ADCK1: variants seen among roughly 807,000 people sequenced by gnomAD.
ADCK1 encodes the protein aarF domain containing kinase 1.
Under a neutral mutation model 52.3 loss-of-function variants are expected in ADCK1, and 41 were observed. The ratio of observed to expected loss-of-function variants is 0.78; its 90% CI spans 0.61 to 1.02. The LOEUF (loss-of-function observed/expected upper bound fraction) is 1.02, where lower values mean the gene tolerates loss of function less well. Among genes scored for constraint, ADCK1 ranks in the 50% least tolerant of loss-of-function variants. The pLI, the probability that ADCK1 is intolerant of heterozygous loss-of-function variation, is 0.00. For synonymous variants in ADCK1, 250 were observed against 274.6 expected (o/e 0.91, Z 0.89); for missense variants, 658 against 679.5 (o/e 0.97, Z 0.35).
intron 3 of ADCK1, among the ~76,000 whole-genome samples, chr14:77,823,053 T>C (rs920002682): frequency 6.6e-6 from 1 of 152,198 alleles, no homozygotes; most frequent in African/African-American, 2.4e-5. Flanking sequence ...TGAGGCCTAC[T>C]CTGGGGCCTC....
chr14:77,930,643 C>G (rs2084307062), intron 9 of ADCK1, among the ~76,000 whole-genome samples: 2 of 152,202 alleles, frequency 1.3e-5, no homozygotes, highest in Admixed American at 6.5e-5. Flanking sequence ...TAGCACTTAA[C>G]TTCTCAATGC....
chr14:77,929,431 T>C (rs2084271718), intron 9 of ADCK1, among the ~76,000 whole-genome samples: 1 of 152,206 alleles, frequency 6.6e-6, no homozygotes, highest in African/African-American at 2.4e-5. Flanking sequence ...AGGCGCTATG[T>C]CTCCTTATAT....
chr14:77,882,844 G>A (rs1379682852), intron 4 of ADCK1, among the ~76,000 whole-genome samples: 1 of 152,124 alleles, frequency 6.6e-6, no homozygotes, highest in Admixed American at 6.5e-5. Flanking sequence ...TTTGACTTGG[G>A]TATGATGTCA....
intron 4 of ADCK1, among the ~76,000 whole-genome samples, chr14:77,866,615 C>A (rs925979795): frequency 6.6e-6 from 1 of 152,290 alleles, no homozygotes; most frequent in Admixed American, 6.5e-5. Context: ...CCAGGCAGGG[C>A]TAATTCCATG....
chr14:77,900,086 G>A (rs34646663), intron 6 of ADCK1, among the ~76,000 whole-genome samples: 50,522 of 142,040 alleles, frequency 0.36, 10,017 homozygotes, highest in Admixed American at 0.49. Flanking sequence ...AAAAAAAAAA[G>A]AAAATTCATC....
rs17753093 is a variant in ADCK1 at position 77,863,922 on chromosome 14, T to C, written c.423+4643T>C. Among the ~76,000 whole-genome samples the C allele has an allele frequency of 9.4e-3, 1,423 of 152,138 alleles. 11 individuals carry two copies. Among genetic ancestry groups the C allele is most frequent in the South Asian group, 0.024 (113 of 4,806 alleles). ...GGTTCTGTCCACCTCTGAAATCCCATGAGAAACTGAAGGAAATGAGGCCAG... is the reference window on the plus strand; with the variant it reads ...GGTTCTGTCCACCTCTGAAATCCCACGAGAAACTGAAGGAAATGAGGCCAG... On this transcript the variant is annotated intron_variant, in intron 4 of 10. Coordinates refer to ENST00000238561, the MANE Select transcript of ADCK1 (RefSeq NM_020421.4).
chr14:77,852,660 AATATATATATATATATATATATATATAT>A (rs370053776), intron 3 of ADCK1, among the ~76,000 whole-genome samples: 14 of 31,744 alleles, frequency 4.4e-4, no homozygotes, highest in African/African-American at 1.6e-3. Flanking sequence ...TAAATAAATA[AATATATATATATATATATATATATATAT>A]ATATATATAT....
chr14:77,861,054 G>A (rs1353442132), intron 4 of ADCK1, among the ~76,000 whole-genome samples: 3 of 152,142 alleles, frequency 2.0e-5, no homozygotes, highest in Non-Finnish European at 2.9e-5. Flanking sequence ...AATGTTTGGG[G>A]TTGGAAGACG....
At chr14:77,889,295 A>G (rs150127368) in intron 5 of ADCK1, among the ~76,000 whole-genome samples, 3,372 of 151,852 alleles carry the variant, frequency 0.022, 61 homozygotes, top group Admixed American at 0.047. Context: ...ATAGTAAGAG[A>G]CTAATAAAAT....
At chr14:77,806,454 A>C (rs1445875780) in intron 1 of ADCK1, among the ~76,000 whole-genome samples, 1 of 152,084 alleles carries the variant, frequency 6.6e-6, no homozygotes, top group Admixed American at 6.6e-5. Context: ...GGTGGTTTCA[A>C]TTATCAGTGG....
rs146897804 is a variant in ADCK1 at position 77,846,485 on chromosome 14, C to T, written c.220-12591C>T. ...GTGTGATGGGGCTTTGAGCTGACCC[C>T]TGCATGATTCAAGACAGGACTGTGG... is the stretch of plus-strand genomic sequence containing the variant. On this transcript the variant is annotated intron_variant, in intron 3 of 10. Coordinates refer to ENST00000238561, the MANE Select transcript of ADCK1 (RefSeq NM_020421.4). 3.9e-5 allele frequency among the ~76,000 whole-genome samples: 6 copies of T among 152,312 alleles called. No homozygotes were observed. In the East Asian group the frequency reaches 1.2e-3, roughly 29 times the overall value.
chr14:77,857,120 G>T (rs1480980412), intron 3 of ADCK1, among the ~76,000 whole-genome samples: 7 of 152,140 alleles, frequency 4.6e-5, no homozygotes, highest in Non-Finnish European at 8.8e-5. Context: ...CTGGCTGCTG[G>T]GTTGAGGGTG....
chr14:77,815,643 C>T (rs1037454579), intron 1 of ADCK1, among the ~76,000 whole-genome samples: 1 of 151,074 alleles, frequency 6.6e-6, no homozygotes, highest in Non-Finnish European at 1.5e-5. Flanking sequence ...CCCTGCCTCC[C>T]GAGTAGCTGG....
chr14:77,806,985 G>T (rs2081237494), intron 1 of ADCK1, among the ~76,000 whole-genome samples: 1 of 149,486 alleles, frequency 6.7e-6, no homozygotes, highest in Admixed American at 6.7e-5. Context: ...AAAGCGTTGG[G>T]ATTACAGGCA....
At chr14:77,912,360 C>T (rs1286027669) in intron 7 of ADCK1, among the ~76,000 whole-genome samples, 1 of 151,818 alleles carries the variant, frequency 6.6e-6, no homozygotes, top group Non-Finnish European at 1.5e-5. Context: ...ACAGGCCTTA[C>T]TCTGAATAAA....
chr14:77,922,986 C>T (rs778836925), intron 7 of ADCK1, among the ~76,000 whole-genome samples: 5 of 152,188 alleles, frequency 3.3e-5, no homozygotes, highest in Admixed American at 6.5e-5. Context: ...GTCGTAGTCA[C>T]GTGTTTGCCA....
At chr14:77,885,874 C>A (rs1234911950) in intron 4 of ADCK1, among the ~76,000 whole-genome samples, 1 of 152,122 alleles carries the variant, frequency 6.6e-6, no homozygotes, top group Non-Finnish European at 1.5e-5. Context: ...CCTTTAGGGG[C>A]CTCTTTCCTA....
At chr14:77,899,466 C>T (rs1017130391) in intron 6 of ADCK1, among the ~76,000 whole-genome samples, 28 of 152,298 alleles carry the variant, frequency 1.8e-4, no homozygotes, top group African/African-American at 6.7e-4. Context: ...ATTGTTGACC[C>T]ATTAGTCAAT....
At chr14:77,838,544 G>A (rs140760761) in intron 3 of ADCK1, among the ~76,000 whole-genome samples, 306 of 152,208 alleles carry the variant, frequency 2.0e-3, no homozygotes, top group African/African-American at 6.8e-3. Flanking sequence ...ATACAGGCAC[G>A]TGCTGCCATG....
Sources: allele counts gnomAD v4.1 joint callset (sites outside exome capture counted in the v4.1 genomes callset), GRCh38; gene constraint gnomAD v4.1.1; transcripts MANE v1.5; gene names NCBI Gene and HGNC (gene_info 2026-07-23, HGNC 2026-07-21).